Variants in PRL observed in about 807,000 individuals in gnomAD.
PRL encodes the protein prolactin.
In PRL, 24 loss-of-function variants were observed where a neutral mutation model predicts 21.3. The observed-to-expected ratio is 1.13, with a 90% CI of 0.82 to 1.59. The LOEUF is 1.59. Ranked by LOEUF, PRL falls within the 40% of genes most tolerant of loss-of-function variation. The pLI is 0.00. For missense variants in PRL, 243 were observed against 286.9 expected (o/e 0.85, Z 1.10); for synonymous variants, 118 against 115.7 (o/e 1.02, Z -0.13).
chr6:22,291,989 G>A (rs73389169), intron 3 of PRL, among the ~76,000 whole-genome samples: 3 of 152,080 alleles, frequency 2.0e-5, no homozygotes, highest in Admixed American at 2.0e-4. Flanking sequence ...TTTGTGAGGG[G>A]AGTGGTGACT....
intron 3 of PRL, among the ~76,000 whole-genome samples, chr6:22,290,623 C>T (rs1024641834): frequency 6.6e-6 from 1 of 151,952 alleles, no homozygotes; most frequent in African/African-American, 2.4e-5. Flanking sequence ...TTTTGTTTTT[C>T]CTCTGAAATT....
At chr6:22,300,780 A>G (rs1256180592), upstream of PRL, among the ~76,000 whole-genome samples, 1 of 152,234 alleles carries the variant, frequency 6.6e-6, no homozygotes, top group Admixed American at 6.5e-5. Context: ...TAAGAAAACC[A>G]TAGTGGAAGC....
intron 1 of PRL, among the ~76,000 whole-genome samples, chr6:22,294,865 A>G (rs1052194907): frequency 2.0e-5 from 3 of 152,210 alleles, no homozygotes; most frequent in Non-Finnish European, 4.4e-5. Flanking sequence ...TGGAGCTTAA[A>G]TTAATTCTGA....
chr6:22,297,100 A>G (rs570146362), upstream of PRL: 22 of 1,034,468 alleles, frequency 2.1e-5, no homozygotes, highest in East Asian at 5.3e-4. Flanking sequence ...ATAATGAATC[A>G]GGCATTCGTT....
chr6:22,302,057 G>T (rs1402268564), upstream of PRL, among the ~76,000 whole-genome samples: 2 of 151,954 alleles, frequency 1.3e-5, no homozygotes, highest in Non-Finnish European at 2.9e-5. Flanking sequence ...AGATTAAAAA[G>T]AAACTAAAAA....
At chr6:22,294,720 G>T in intron 1 of PRL, 136 bp from the exon 2 acceptor site, 1 of 928,808 alleles carries the variant, frequency 1.1e-6, no homozygotes, top group Non-Finnish European at 1.6e-6. Context: ...GGCTGGGATG[G>T]GGGAAGAACA....
At chr6:22,297,061 C>T (rs1422749216), upstream of PRL, 43 of 1,431,634 alleles carry the variant, frequency 3.0e-5, no homozygotes, top group Non-Finnish European at 3.6e-5. Context: ...CAGATATTGG[C>T]TTTATAAACC....
chr6:22,290,397 C>T, intron 3 of PRL, 44 bp from the exon 4 acceptor site: 1 of 1,428,122 alleles, frequency 7.0e-7, no homozygotes, highest in Non-Finnish European at 9.4e-7. Context: ...AGGTAAAATA[C>T]AATGGGGTTA....
Position 22,288,080 on chromosome 6 carries a change from A to C in PRL, c.493-487T>G, listed in dbSNP as rs749211832. On this transcript the variant is annotated intron_variant, in intron 4 of 4. Transcript: ENST00000306482. The surrounding 1 kb of genome is among the most constrained non-coding windows in gnomAD (Gnocchi z 4.5). ...AAACTTTAAAAAAGATGAAGATTGT[A>C]CTCACACTTGATGCTTTGGGGTACA... Among the ~76,000 whole-genome samples the C allele has an allele frequency of 6.6e-6, 1 of 152,116 alleles. No individual in the cohort carries two copies. The highest frequency in any genetic ancestry group is 6.5e-5 in the Admixed American group (1 of 15,284).
chr6:22,291,271 T>C (rs553570553), intron 3 of PRL, among the ~76,000 whole-genome samples: 39 of 151,966 alleles, frequency 2.6e-4, no homozygotes, highest in Non-Finnish European at 4.0e-4. Context: ...GTCAGTGTAG[T>C]TTTTCTGGGA....
chr6:22,295,543 G>A (rs1761156355), intron 1 of PRL, among the ~76,000 whole-genome samples: 1 of 152,134 alleles, frequency 6.6e-6, no homozygotes, highest in South Asian at 2.1e-4. Flanking sequence ...GCCCCAGAAA[G>A]CTTGATTTTC....
At chr6:22,290,680 C>T (rs988979794) in intron 3 of PRL, among the ~76,000 whole-genome samples, 3 of 152,120 alleles carry the variant, frequency 2.0e-5, no homozygotes, top group Non-Finnish European at 4.4e-5. Context: ...GATTGATTTG[C>T]TTGTCCCTGG....
intron 1 of PRL, among the ~76,000 whole-genome samples, chr6:22,294,976 T>A (rs12202693): frequency 0.17 from 26,489 of 152,042 alleles, 2,779 homozygotes; most frequent in Non-Finnish European, 0.24. Flanking sequence ...ATTTTTTTTT[T>A]AACTAGGTGT....
At chr6:22,298,955 G>C (rs536466884), upstream of PRL, among the ~76,000 whole-genome samples, 5 of 152,278 alleles carry the variant, frequency 3.3e-5, no homozygotes, top group South Asian at 8.3e-4. Flanking sequence ...ACTGCAAAGA[G>C]GTACAGGTTT....
upstream of PRL, chr6:22,297,141 T>G (rs1388624195): frequency 1.5e-6 from 1 of 675,632 alleles, no homozygotes; most frequent in Non-Finnish European, 2.5e-6. Flanking sequence ...TTTCCGTCAT[T>G]GAGATTACCC....
chr6:22,296,662 C>G (rs904813022), intron 1 of PRL, among the ~76,000 whole-genome samples: 1 of 152,200 alleles, frequency 6.6e-6, no homozygotes, highest in Non-Finnish European at 1.5e-5. Context: ...AGTAGCATCT[C>G]TCATCACTAT....
At chr6:22,296,591 T>A (rs963544260) in intron 1 of PRL, among the ~76,000 whole-genome samples, 4 of 152,216 alleles carry the variant, frequency 2.6e-5, no homozygotes, top group African/African-American at 9.6e-5. Context: ...TTGATATTAT[T>A]GGCATTTTGA....
Position 22,297,029 on chromosome 6 carries a change from A to G in PRL, c.-47T>C. 1 of 1,604,082 alleles carries G rather than the reference A, an allele frequency of 6.2e-7. No individual in the cohort carries two copies. Among genetic ancestry groups the G allele is most frequent in the Non-Finnish European group, 8.5e-7 (1 of 1,171,794 alleles). The stretch of plus-strand genomic sequence containing the variant: ...CACACTTCACCAGAGAAGATCTGGA[A>G]GTCTCACGGTTTTCTCTTTCCCAGA... On this transcript the variant is annotated 5_prime_UTR_variant, in exon 1 of 5. Coordinates refer to ENST00000306482, the MANE Select transcript of PRL (RefSeq NM_000948.6).
chr6:22,294,979 C>G, intron 1 of PRL, among the ~76,000 whole-genome samples: 1 of 151,816 alleles, frequency 6.6e-6, no homozygotes, highest in Admixed American at 6.6e-5. Context: ...TTTTTTTTAA[C>G]TAGGTGTGTC....
Sources: gnomAD v4.1 joint callset for allele counts (sites outside exome capture counted in the v4.1 genomes callset) on GRCh38, gnomAD v4.1.1 for gene constraint, Gnocchi (gnomAD v3.1) non-coding constraint, MANE v1.5 for transcripts, NCBI Gene and HGNC (gene_info 2026-07-23, HGNC 2026-07-21) for gene names.